The following ETV6 variants were observed in gnomAD, a reference collection of about 807,000 sequenced individuals.
ETV6 encodes transcription factor ETV6.
In ETV6, 16 loss-of-function variants were observed where a neutral mutation model predicts 51.1. That is an observed-to-expected ratio of 0.31 (90% CI 0.21 to 0.48). The LOEUF is 0.48. ETV6 is among the 20% of genes least tolerant of loss of function. The probability of loss-of-function intolerance (pLI) is 0.99; values close to 1 mark genes in which losing one functional copy is unlikely to be tolerated. For synonymous variants in ETV6, 240 were observed against 224.1 expected (o/e 1.07, Z -0.64); for missense variants, 458 against 594.8 (o/e 0.77, Z 2.39).
intron 1 of ETV6, among the ~76,000 whole-genome samples, chr12:11,709,935 A>G (rs909078141): frequency 2.0e-5 from 3 of 152,156 alleles, no homozygotes; most frequent in African/African-American, 7.2e-5. Flanking sequence ...GTATGCATTT[A>G]TATATACACA....
At position 11,890,925 on chromosome 12, in the gene ETV6, A is replaced by G. The variant is rs780738217; in HGVS notation, c.1254-16A>G. ...GAAAATGGAATCTCTTACCTCCTCC[A>G]CTTCTTCTTCCAAAGGTTTATGAAA... On this transcript the variant is annotated splice_polypyrimidine_tract_variant and intron_variant, in intron 7 of 7. Coordinates refer to ENST00000396373, the MANE Select transcript of ETV6 (RefSeq NM_001987.5). 109 of 1,602,392 alleles carry G rather than the reference A, an allele frequency of 6.8e-5. No individual in the cohort carries two copies. Among genetic ancestry groups the G allele is most frequent in the Non-Finnish European group, 9.1e-5 (107 of 1,169,594 alleles).
intron 3 of ETV6, among the ~76,000 whole-genome samples, chr12:11,839,548 C>T (rs1429248904): frequency 6.6e-6 from 1 of 152,182 alleles, no homozygotes; most frequent in African/African-American, 2.4e-5. Flanking sequence ...TTTAGTCCTA[C>T]GTACACTGGA....
chr12:11,787,969 C>T (rs1183676567), intron 2 of ETV6, among the ~76,000 whole-genome samples: 1 of 152,154 alleles, frequency 6.6e-6, no homozygotes, highest in Non-Finnish European at 1.5e-5. Context: ...CACACCAGTG[C>T]CCTGGTATTA....
chr12:11,687,999 A>C (rs1864669034), intron 1 of ETV6, among the ~76,000 whole-genome samples: 1 of 152,222 alleles, frequency 6.6e-6, no homozygotes, highest in Non-Finnish European at 1.5e-5. Flanking sequence ...CCATATAAGA[A>C]AGATGTTTCT....
intron 3 of ETV6, 52 bp from the exon 4 acceptor site, chr12:11,853,375 G>A (rs962506861): frequency 1.9e-6 from 3 of 1,609,558 alleles, no homozygotes; most frequent in African/African-American, 2.7e-5. Context: ...GTAGATCGTT[G>A]TTGGAAAAAC....
chr12:11,691,321 C>T (rs1185834854), intron 1 of ETV6, among the ~76,000 whole-genome samples: 2 of 152,194 alleles, frequency 1.3e-5, no homozygotes, highest in Non-Finnish European at 2.9e-5. Flanking sequence ...CCCATCCCCC[C>T]AGACAAATCT....
chr12:11,874,522 ATATATGTGTATGTG>A (rs1158395764), intron 5 of ETV6, among the ~76,000 whole-genome samples: 1,402 of 7,912 alleles, frequency 0.18, 312 homozygotes, highest in East Asian at 1. Context: ...GTGTACACAC[ATATATGTGTATGTG>A]CGTGTGTACA....
At chr12:11,689,079 C>T (rs904530381) in intron 1 of ETV6, among the ~76,000 whole-genome samples, 1 of 144,032 alleles carries the variant, frequency 6.9e-6, no homozygotes, top group African/African-American at 2.6e-5. Flanking sequence ...TTGGCAAGAT[C>T]TCACCAAGAT....
intron 3 of ETV6, among the ~76,000 whole-genome samples, chr12:11,844,021 A>G (rs1203104217): frequency 6.6e-6 from 1 of 151,942 alleles, no homozygotes; most frequent in African/African-American, 2.4e-5. Context: ...GGGCTACTAG[A>G]TAGTTATCAC....
chr12:11,709,937 A>G (rs1414373821), intron 1 of ETV6, among the ~76,000 whole-genome samples: 12 of 152,178 alleles, frequency 7.9e-5, no homozygotes, highest in Admixed American at 7.2e-4. Context: ...ATGCATTTAT[A>G]TATACACACA....
intron 1 of ETV6, among the ~76,000 whole-genome samples, chr12:11,744,253 C>T (rs568733092): frequency 1.2e-4 from 18 of 152,252 alleles, no homozygotes; most frequent in African/African-American, 2.9e-4. Context: ...GCAGGGACAA[C>T]GCAGATTGGC....
chr12:11,740,565 C>T (rs1048751321), intron 1 of ETV6, among the ~76,000 whole-genome samples: 2 of 81,540 alleles, frequency 2.5e-5, no homozygotes, highest in African/African-American at 7.0e-5. Context: ...CCACTGTTCT[C>T]CTAATTCTAT....
chr12:11,751,645 C>T (rs1315457730), intron 1 of ETV6, among the ~76,000 whole-genome samples: 2 of 152,182 alleles, frequency 1.3e-5, no homozygotes, highest in Non-Finnish European at 2.9e-5. Context: ...TGTTTGAATT[C>T]AAATGGAGGA....
At position 11,859,118 on chromosome 12, in the gene ETV6, GGTT is replaced by G. The variant is rs1171351765; in HGVS notation, c.463+5558_463+5560del. Among the ~76,000 whole-genome samples, 329 of 41,790 alleles carry G rather than the reference GGTT, an allele frequency of 7.9e-3. 136 individuals are homozygous for G. Among genetic ancestry groups the G allele is most frequent in the Middle Eastern group, 0.024 (2 of 84 alleles). The allele number at this position is 41,790 out of a possible 152,430, so 27.4% of individuals were successfully genotyped here. A position where few individuals can be genotyped will look rare whatever the true frequency, so the allele number is the denominator to read the frequency against. On this transcript the variant is annotated intron_variant, in intron 4 of 7. Coordinates refer to ENST00000396373, the MANE Select transcript of ETV6 (RefSeq NM_001987.5). Reference sequence around the variant, plus strand: ...TAAAGAAGATGAGGTATATGAATCTGGTTTTTTTTTTTTTTTTTTTTTTTTTTT... The same window carrying G: ...TAAAGAAGATGAGGTATATGAATCTGTTTTTTTTTTTTTTTTTTTTTTTTT...
At position 11,861,439 on chromosome 12, in the gene ETV6, G is replaced by T. The variant is rs1427708123; in HGVS notation, c.463+7878G>T. Among the ~76,000 whole-genome samples, 6 of 152,280 alleles carry T rather than the reference G, an allele frequency of 3.9e-5. No homozygotes were observed. In the East Asian group the frequency reaches 1.2e-3, roughly 29 times the overall value. ...GCTGCAGCATGTGTTTTGTGACGGA[G>T]TGTAGGGACTGGATTGTGCAGAGAC... On this transcript the variant is annotated intron_variant, in intron 4 of 7. Transcript: ENST00000396373.
chr12:11,710,633 C>CAATGCT (rs56017717), intron 1 of ETV6, among the ~76,000 whole-genome samples: 75,045 of 151,636 alleles, frequency 0.49, 21,962 homozygotes, highest in Middle Eastern at 0.67. Context: ...GTTAGTATCA[C>CAATGCT]AATGCTAGTA....
chr12:11,806,200 G>T (rs989181953), intron 2 of ETV6, among the ~76,000 whole-genome samples: 1 of 152,196 alleles, frequency 6.6e-6, no homozygotes, highest in Non-Finnish European at 1.5e-5. Context: ...AATGAACTAC[G>T]TATGCCATCC....
intron 4 of ETV6, among the ~76,000 whole-genome samples, chr12:11,856,109 CCTTTGG>C (rs1323467315): frequency 1.3e-5 from 2 of 152,064 alleles, no homozygotes; most frequent in African/African-American, 4.8e-5. Flanking sequence ...TCCTCTTTTC[CCTTTGG>C]CCTGATTTGA....
chr12:11,878,919 G>T (rs529918462), intron 5 of ETV6, among the ~76,000 whole-genome samples: 2 of 151,562 alleles, frequency 1.3e-5, no homozygotes, highest in South Asian at 4.2e-4. Flanking sequence ...CGATATTTGG[G>T]CCAAATAATA....
Sources: allele counts gnomAD v4.1 joint callset (sites outside exome capture counted in the v4.1 genomes callset), GRCh38; gene constraint gnomAD v4.1.1; transcripts MANE v1.5; gene names NCBI Gene and HGNC (gene_info 2026-07-23, HGNC 2026-07-21).